Variants in TBC1D22A observed in about 807,000 individuals in gnomAD.
TBC1D22A encodes the protein TBC1 domain family member 22A.
Under a neutral mutation model 60.2 loss-of-function variants are expected in TBC1D22A, and 38 were observed. The ratio of observed to expected loss-of-function variants is 0.63; its 90% CI spans 0.49 to 0.83. The LOEUF is 0.83. Ranked by LOEUF, TBC1D22A falls within the 40% of genes least tolerant of loss-of-function variation. The probability of loss-of-function intolerance (pLI) is 0.00; values close to 1 mark genes in which losing one functional copy is unlikely to be tolerated. For missense variants in TBC1D22A, 628 were observed against 701.0 expected, an observed-to-expected ratio of 0.90 and a Z score of 1.18; for synonymous variants, 302 against 281.7, an observed-to-expected ratio of 1.07 and a Z score of -0.72.
intron 7 of TBC1D22A, among the ~76,000 whole-genome samples, chr22:46,898,118 A>G (rs2068782264): frequency 6.6e-6 from 1 of 152,194 alleles, no homozygotes; most frequent in African/African-American, 2.4e-5. Flanking sequence ...AGAGCCTGCC[A>G]CAGGACCTTT....
chr22:47,033,705 G>A lies in TBC1D22A; in HGVS notation c.1202-3366G>A, dbSNP rs73168480. On this transcript the variant is annotated intron_variant, in intron 10 of 12. Transcript: ENST00000337137. The stretch of plus-strand genomic sequence containing the variant: ...GGAGTTTTGACGTCTGGGTAGCCTC[G>A]CACTGAGCAGAGACAGGTGCCCTGG... 7.4e-3 allele frequency among the ~76,000 whole-genome samples: 1,121 copies of A among 152,270 alleles called. 6 individuals carry two copies. Among genetic ancestry groups the A allele is most frequent in the Non-Finnish European group, 0.012 (815 of 68,012 alleles).
chr22:46,811,777 G>A (rs2147037612), intron 4 of TBC1D22A, among the ~76,000 whole-genome samples: 1 of 152,164 alleles, frequency 6.6e-6, no homozygotes, highest in Non-Finnish European at 1.5e-5. Context: ...GAAGGCAGTG[G>A]TAGGAAAAGC....
At chr22:46,955,164 T>G (rs901888060) in intron 8 of TBC1D22A, among the ~76,000 whole-genome samples, 3 of 152,346 alleles carry the variant, frequency 2.0e-5, no homozygotes, top group African/African-American at 4.8e-5. Context: ...ACGTGGTATG[T>G]TACTTATAAA....
At chr22:46,801,943 G>T (rs1358861708) in intron 4 of TBC1D22A, among the ~76,000 whole-genome samples, 1 of 152,244 alleles carries the variant, frequency 6.6e-6, no homozygotes, top group Non-Finnish European at 1.5e-5. Context: ...ACGAGTAGAT[G>T]CCCCCTTGGT....
At chr22:46,874,511 G>C (rs59383569) in intron 4 of TBC1D22A, among the ~76,000 whole-genome samples, 2 of 145,330 alleles carry the variant, frequency 1.4e-5, no homozygotes, top group East Asian at 2.1e-4. Context: ...TTTCCCTAAC[G>C]ATCAGTGATG....
intron 12 of TBC1D22A, among the ~76,000 whole-genome samples, chr22:47,136,611 C>G (rs571166706): frequency 8.1e-6 from 1 of 122,862 alleles, no homozygotes; most frequent in Non-Finnish European, 1.8e-5. Context: ...AACCCTGGGC[C>G]ATGTGGCACC....
At chr22:46,794,011 G>A (rs549736676) in intron 3 of TBC1D22A, among the ~76,000 whole-genome samples, 170 bp downstream of exon 3, 8 of 152,308 alleles carry the variant, frequency 5.3e-5, no homozygotes, top group South Asian at 2.1e-4. Context: ...AGTGGCCTGC[G>A]CTCTTTCCTA....
intron 12 of TBC1D22A, among the ~76,000 whole-genome samples, chr22:47,163,911 A>G (rs2068092886): frequency 6.6e-6 from 1 of 152,224 alleles, no homozygotes; most frequent in Non-Finnish European, 1.5e-5. Flanking sequence ...ACATATCAGC[A>G]CCAAGTTCAT....
chr22:47,046,469 C>A (rs1207160156), intron 11 of TBC1D22A, among the ~76,000 whole-genome samples: 1 of 152,074 alleles, frequency 6.6e-6, no homozygotes, highest in Non-Finnish European at 1.5e-5. Context: ...CCAGGGACAC[C>A]CTTTGAGTGA....
intron 11 of TBC1D22A, among the ~76,000 whole-genome samples, chr22:47,041,775 G>A (rs978186390): frequency 1.1e-4 from 17 of 152,228 alleles, no homozygotes; most frequent in African/African-American, 3.4e-4. Context: ...GGGCTAGATA[G>A]TAAATATTTT....
At chr22:47,030,097 GCTCA>G (rs2062418371) in intron 10 of TBC1D22A, among the ~76,000 whole-genome samples, 2 of 152,240 alleles carry the variant, frequency 1.3e-5, no homozygotes, top group Non-Finnish European at 2.9e-5. Flanking sequence ...GAGGGGCCCT[GCTCA>G]CTGTCAGTGG....
chr22:46,963,386 G>A (rs1193096136), intron 8 of TBC1D22A, among the ~76,000 whole-genome samples: 5 of 68,250 alleles, frequency 7.3e-5, no homozygotes. Flanking sequence ...GCCCAAGGCT[G>A]GAAAGGCCCA....
chr22:47,030,020 A>G (rs1423318740), intron 10 of TBC1D22A, among the ~76,000 whole-genome samples: 1 of 152,220 alleles, frequency 6.6e-6, no homozygotes, highest in Non-Finnish European at 1.5e-5. Context: ...TCTAGCTGTC[A>G]GCGACATAAA....
At chr22:46,911,305 G>A (rs371439128) in intron 7 of TBC1D22A, among the ~76,000 whole-genome samples, 9 of 152,168 alleles carry the variant, frequency 5.9e-5, no homozygotes, top group African/African-American at 1.9e-4. Flanking sequence ...GATGGAAGAT[G>A]TTTAAGTTTG....
chr22:46,912,571 T>C (rs1397533066), intron 8 of TBC1D22A, among the ~76,000 whole-genome samples: 1 of 152,192 alleles, frequency 6.6e-6, no homozygotes, highest in East Asian at 1.9e-4. Context: ...TATCTGTTTA[T>C]TTTGAGACGG....
At position 47,162,174 on chromosome 22, in the gene TBC1D22A, C is replaced by A. The variant is rs570366041; in HGVS notation, c.1426-11324C>A. On this transcript the variant is annotated intron_variant, in intron 12 of 12. Coordinates refer to ENST00000337137, the MANE Select transcript of TBC1D22A (RefSeq NM_014346.5). ...TTATGTGTATATAAATATATGAGAG[C>A]TACCGGGTGTTAGTTTTCATTTGAA... Among the ~76,000 whole-genome samples, 8 of 150,200 alleles carry A rather than the reference C, an allele frequency of 5.3e-5. No homozygotes were observed. The East Asian group carries it at 9.8e-4, about 18-fold the overall frequency.
At chr22:46,841,113 A>T (rs1478646475) in intron 4 of TBC1D22A, among the ~76,000 whole-genome samples, 2 of 151,668 alleles carry the variant, frequency 1.3e-5, no homozygotes, top group South Asian at 4.2e-4. Flanking sequence ...AGAAAATGGG[A>T]TTGCCATGGC....
chr22:46,980,938 C>T (rs750046148), intron 9 of TBC1D22A, among the ~76,000 whole-genome samples: 14 of 152,128 alleles, frequency 9.2e-5, no homozygotes, highest in Non-Finnish European at 2.1e-4. Context: ...AAATAGCTCT[C>T]CAATGAGATT....
intron 11 of TBC1D22A, among the ~76,000 whole-genome samples, chr22:47,093,818 T>A (rs773446592): frequency 6.6e-6 from 1 of 152,160 alleles, no homozygotes; most frequent in Non-Finnish European, 1.5e-5. Flanking sequence ...CCGAAGGTGT[T>A]TTTTGGTTGA....
Sources: allele counts gnomAD v4.1 joint callset (sites outside exome capture counted in the v4.1 genomes callset), GRCh38; gene constraint gnomAD v4.1.1; transcripts MANE v1.5; gene names NCBI Gene and HGNC (gene_info 2026-07-23, HGNC 2026-07-21).